TRAPPC1: variants seen among roughly 807,000 people sequenced by gnomAD.
TRAPPC1 encodes the protein BET5 homolog.
Under a neutral mutation model 17.2 loss-of-function variants are expected in TRAPPC1, and 10 were observed. That is an observed-to-expected ratio of 0.58 (90% CI 0.36 to 0.99). The LOEUF (loss-of-function observed/expected upper bound fraction) is 0.99. Among genes scored for constraint, TRAPPC1 ranks in the 50% least tolerant of loss-of-function variants. The probability of loss-of-function intolerance (pLI) is 0.01; values close to 1 mark genes in which losing one functional copy is unlikely to be tolerated. For synonymous variants in TRAPPC1, 85 were observed against 74.5 expected (o/e 1.14, Z -0.72); for missense variants, 163 against 184.4 (o/e 0.88, Z 0.67).
chr17:7,931,240 T>C (rs1013783107), intron 2 of TRAPPC1, 91 bp from the exon 3 acceptor site: 130 of 1,450,250 alleles, frequency 9.0e-5, no homozygotes, highest in Non-Finnish European at 1.2e-4. Flanking sequence ...TCCCTCTTTA[T>C]CTAAACATAT....
intron 2 of TRAPPC1, 81 bp downstream of exon 2, chr17:7,931,425 C>T: frequency 2.1e-6 from 3 of 1,429,210 alleles, no homozygotes; most frequent in Non-Finnish European, 2.0e-6. Flanking sequence ...GGCCAATGCT[C>T]CTTCCACTTC....
chr17:7,931,531 C>T lies in TRAPPC1; in HGVS notation c.145G>A (p.Val49Ile), dbSNP rs759884021. The T allele has an allele frequency of 5.7e-5, 92 of 1,613,962 alleles. No individual in the cohort carries two copies. Among genetic ancestry groups the T allele is most frequent in the Non-Finnish European group, 7.2e-5 (85 of 1,180,028 alleles). The change falls in exon 2 of 4, where the codon GTC becomes ATC. Residue 49 changes from valine (V) to isoleucine (I), a missense_variant. Physicochemically the swap from Val to Ile is conservative, Grantham distance 29. Coordinates refer to ENST00000303731, the MANE Select transcript of TRAPPC1 (RefSeq NM_021210.5). ...YGMLFSIRSFVSKMSPLDMKD... is the reference protein window; with the variant it reads ...YGMLFSIRSFISKMSPLDMKD... ...ATGTCTAGCGGGGACATCTTGCTGA[C>T]AAACGAGCGGATAGAGAAGAGCATC... is the stretch of plus-strand genomic sequence containing the variant.
chr17:7,931,721 C>A lies in TRAPPC1; in HGVS notation c.99+10G>T. The A allele has an allele frequency of 1.2e-6, 2 of 1,613,730 alleles. No homozygotes were observed. The highest frequency in any genetic ancestry group is 2.2e-5 in the South Asian group (2 of 91,072). ...AGGTCGCCCGGGCTGCACCGGGGCC[C>A]TCTCGTCACCTCCTCCTTGGGAATC... On this transcript the variant is annotated intron_variant, in intron 1 of 3. Coordinates refer to ENST00000303731, the MANE Select transcript of TRAPPC1 (RefSeq NM_021210.5).
Position 7,930,737 on chromosome 17 carries a change from A to G in TRAPPC1, c.310-3T>C, listed in dbSNP as rs113714495. On this transcript the variant is annotated splice_polypyrimidine_tract_variant and splice_region_variant and intron_variant, in intron 3 of 3. Transcript: ENST00000303731. ...TTCACCACCAGCTCCACATACAGCT[A>G]TGGAAAGGGAAGATGTTAGAGCCAG... The G allele has an allele frequency of 4.2e-5, 67 of 1,613,698 alleles. No homozygotes were observed. In the African/African-American group the frequency reaches 8.4e-4, roughly 20 times the overall value.
chr17:7,931,937 C>T lies in TRAPPC1; in HGVS notation c.-108G>A. ...CAGGTGGGGACCCCACCCACGGACT[C>T]ACCGGAACTGCTCCGAGTGCCCGTC... On this transcript the variant is annotated 5_prime_UTR_variant, in exon 1 of 4. Transcript: ENST00000303731. 2.2e-6 allele frequency: 2 copies of T among 904,460 alleles called. No individual in the cohort carries two copies. Among genetic ancestry groups the T allele is most frequent in the Non-Finnish European group, 3.7e-6 (2 of 543,578 alleles). 56.0% of individuals were successfully genotyped at this position (904,460 alleles called of 1,614,324 possible).
intron 2 of TRAPPC1, 64 bp downstream of exon 2, chr17:7,931,442 T>C (rs1972501156): frequency 1.3e-6 from 2 of 1,533,768 alleles, no homozygotes; most frequent in Admixed American, 1.7e-5. Context: ...CTTCAGAAAG[T>C]TTCCCCCATC....
chr17:7,930,702 C>G lies in TRAPPC1; in HGVS notation c.342G>C (p.Leu114=), dbSNP rs752496566. 1.2e-6 allele frequency: 2 copies of G among 1,614,168 alleles called. No individual in the cohort carries two copies. Among genetic ancestry groups the G allele is most frequent in the Admixed American group, 1.7e-5 (1 of 60,030 alleles). ...LYVELVVKNP[L]CPLGQTVQSE... ...TTTGCACAGTTTGGCCCAGCGGGCA[C>G]AGGGGATTCTTCACCACCAGCTCCA... is the stretch of plus-strand genomic sequence containing the variant. The change falls in exon 4 of 4, where the codon CTG becomes CTC. Residue 114 remains leucine (L), a synonymous_variant. Transcript: ENST00000303731.
In TRAPPC1 at chr17:7,931,869, C is replaced by T. The variant is rs937069378; in HGVS notation, c.-40G>A. 1.3e-6 allele frequency: 2 copies of T among 1,575,330 alleles called. No homozygotes were observed. Among genetic ancestry groups the T allele is most frequent in the African/African-American group, 2.7e-5 (2 of 74,136 alleles). ...GTGTGAGCCTCGCTCCGGGGCCGCC[C>T]CCACTCCTTGGGCTCGGGTTCCCGG... On this transcript the variant is annotated 5_prime_UTR_variant, in exon 1 of 4. Transcript: ENST00000303731.
chr17:7,930,617 G>T lies in TRAPPC1; in HGVS notation c.427C>A (p.Arg143=). The change falls in exon 4 of 4, where the codon CGG becomes AGG. Residue 143 remains arginine (R), a synonymous_variant. Coordinates refer to ENST00000303731, the MANE Select transcript of TRAPPC1 (RefSeq NM_021210.5). The part of the protein sequence containing the change: ...YVRSLPFFSA[R]AG ...TGAGGTAGGTTGCTTCAGCCAGCCC[G>T]GGCGGAGAAGAAGGGCAGAGAGCGA... 2 of 1,614,076 alleles carry T rather than the reference G, an allele frequency of 1.2e-6. No homozygotes were observed. The highest frequency in any genetic ancestry group is 1.7e-6 in the Non-Finnish European group (2 of 1,180,000).
chr17:7,930,660 G>A lies in TRAPPC1; in HGVS notation c.384C>T (p.Ser128=), dbSNP rs1972425260. Reference sequence around the variant, plus strand: ...GAGAGCGAACATAGGAGTCCAGTCGGGAGCGAAAGAGCTCACTTTGCACAG... The same window carrying A: ...GAGAGCGAACATAGGAGTCCAGTCGAGAGCGAAAGAGCTCACTTTGCACAG... ...GQTVQSELFR[S]RLDSYVRSLP... is the part of the protein sequence containing the mutation. The change falls in exon 4 of 4, where the codon TCC becomes TCT. Residue 128 remains serine, a synonymous_variant. Coordinates refer to ENST00000303731, the MANE Select transcript of TRAPPC1 (RefSeq NM_021210.5). 5 of 1,614,174 alleles carry A rather than the reference G, an allele frequency of 3.1e-6. No homozygotes were observed. In the East Asian group the frequency reaches 1.1e-4, roughly 36 times the overall value.
chr17:7,930,942 C>T, intron 3 of TRAPPC1, 69 bp downstream of exon 3: 1 of 1,582,870 alleles, frequency 6.3e-7, no homozygotes, highest in Non-Finnish European at 8.6e-7. Flanking sequence ...AGGATTGGGG[C>T]AGGGGAGATG....
chr17:7,931,465 A>T, intron 2 of TRAPPC1, 41 bp downstream of exon 2: 2 of 1,595,956 alleles, frequency 1.3e-6, no homozygotes, highest in Non-Finnish European at 1.7e-6. Context: ...CAAATTCCCA[A>T]GGCTAGCCCT....
At position 7,931,561 on chromosome 17, in the gene TRAPPC1, A is replaced by G; in HGVS notation, c.115T>C (p.Tyr39His). The G allele has an allele frequency of 6.2e-7, 1 of 1,602,696 alleles. No homozygotes were observed. Among genetic ancestry groups the G allele is most frequent in the Non-Finnish European group, 8.5e-7 (1 of 1,173,170 alleles). The change falls in exon 2 of 4, where the codon TAC becomes CAC. Residue 39 changes from tyrosine to histidine, a missense_variant. Transcript: ENST00000303731. ...IPKEEEYKLM[Y>H]GMLFSIRSFV... Reference sequence around the variant, plus strand: ...GAGCGGATAGAGAAGAGCATCCCGTACATCAGCTTATACTCCTGGAGGGAG... The same window carrying G: ...GAGCGGATAGAGAAGAGCATCCCGTGCATCAGCTTATACTCCTGGAGGGAG...
At chr17:7,931,697 G>A in intron 1 of TRAPPC1, 34 bp downstream of exon 1, 6 of 1,605,340 alleles carry the variant, frequency 3.7e-6, no homozygotes, top group Non-Finnish European at 5.1e-6. Flanking sequence ...GGAGATGAGA[G>A]GTCGCCCGGG....
Position 7,930,511 on chromosome 17 carries a change from G to GGGT in TRAPPC1, c.*92_*94dup. ...GGCTGTTGCTCTGGGCAGGGGGTGG[G>GGGT]GGTGCGGGGGCTTACAGTGGGGGCC... On this transcript the variant is annotated 3_prime_UTR_variant, in exon 4 of 4. Transcript: ENST00000303731. 6.5e-7 allele frequency: 1 copy of GGGT among 1,532,216 alleles called. No homozygotes were observed. The highest frequency in any genetic ancestry group is 8.9e-7 in the Non-Finnish European group (1 of 1,117,586). 94.9% of individuals were successfully genotyped at this position (1,532,216 alleles called of 1,614,324 possible).
chr17:7,930,719 C>T lies in TRAPPC1; in HGVS notation c.325G>A (p.Val109Met), dbSNP rs1159592835. The stretch of plus-strand genomic sequence containing the variant: ...AGCGGGCACAGGGGATTCTTCACCA[C>T]CAGCTCCACATACAGCTATGGAAAG... ...HIYSALYVELVVKNPLCPLGQ... is the reference protein window; with the variant it reads ...HIYSALYVELMVKNPLCPLGQ... Residue 109 changes from valine (V) to methionine (M), a missense_variant, in exon 4 of 4, where the codon GTG becomes ATG. By Grantham distance (21) the Val-to-Met change is conservative. Coordinates refer to ENST00000303731, the MANE Select transcript of TRAPPC1 (RefSeq NM_021210.5). The T allele has an allele frequency of 1.1e-5, 18 of 1,614,100 alleles. No homozygotes were observed. Among genetic ancestry groups the T allele is most frequent in the Non-Finnish European group, 1.5e-5 (18 of 1,180,000 alleles).
chr17:7,930,744 G>A lies in TRAPPC1; in HGVS notation c.310-10C>T. The A allele has an allele frequency of 6.2e-7, 1 of 1,613,342 alleles. No homozygotes were observed. The highest frequency in any genetic ancestry group is 8.5e-7 in the Non-Finnish European group (1 of 1,179,454). The stretch of plus-strand genomic sequence containing the variant: ...CCAGCTCCACATACAGCTATGGAAA[G>A]GGAAGATGTTAGAGCCAGGCTTTGG... On this transcript the variant is annotated splice_polypyrimidine_tract_variant and intron_variant, in intron 3 of 3. Transcript: ENST00000303731.
rs1972393453 is a variant in TRAPPC1, at chr17:7,930,351, G to A, written c.*255C>T. The A allele has an allele frequency of 2.1e-6, 1 of 485,944 alleles. No homozygotes were observed. Among genetic ancestry groups the A allele is most frequent in the Non-Finnish European group, 3.8e-6 (1 of 265,448 alleles). 30.1% of individuals were successfully genotyped at this position (485,944 alleles called of 1,614,324 possible). Reference sequence around the variant, plus strand: ...CAAACCAACACGCTCAGGCCGCAGAGAGTGACAAAAAGTTTATTCTGTGCT... The same window carrying A: ...CAAACCAACACGCTCAGGCCGCAGAAAGTGACAAAAAGTTTATTCTGTGCT... On this transcript the variant is annotated 3_prime_UTR_variant, in exon 4 of 4. Coordinates refer to ENST00000303731, the MANE Select transcript of TRAPPC1 (RefSeq NM_021210.5).
intron 2 of TRAPPC1, 153 bp downstream of exon 2, chr17:7,931,353 G>A: frequency 1.0e-6 from 1 of 983,510 alleles, no homozygotes; most frequent in Non-Finnish European, 1.5e-6. Context: ...CCCCACTCCT[G>A]CCAGCTCCAG....
Sources: allele counts gnomAD v4.1 joint callset, GRCh38; gene constraint gnomAD v4.1.1; transcripts MANE v1.5; gene names NCBI Gene and HGNC (gene_info 2026-07-23, HGNC 2026-07-21).